Variants in COL8A2 observed in about 807,000 individuals in gnomAD.
The protein encoded by COL8A2 is collagen type VIII alpha 2 chain.
A neutral mutation model predicts 24.0 loss-of-function variants in COL8A2; 16 were observed. The observed-to-expected ratio is 0.67, with a 90% CI of 0.45 to 1.01. The LOEUF is 1.01. Ranked by LOEUF, COL8A2 falls within the 50% of genes least tolerant of loss-of-function variation. The pLI is 0.00. For synonymous variants in COL8A2, 466 were observed against 424.5 expected (o/e 1.10, Z -1.20); for missense variants, 818 against 942.4 (o/e 0.87, Z 1.73).
intron 3 of COL8A2, among the ~76,000 whole-genome samples, chr1:36,099,696 A>G (rs1452867169): frequency 6.6e-6 from 1 of 152,140 alleles, no homozygotes; most frequent in Non-Finnish European, 1.5e-5. Flanking sequence ...CCTAACACCC[A>G]ACCTACCTAG....
intron 2 of COL8A2, among the ~76,000 whole-genome samples, chr1:36,110,233 A>C (rs1643820790): frequency 6.7e-6 from 1 of 148,308 alleles, no homozygotes; most frequent in Non-Finnish European, 1.5e-5. Flanking sequence ...CGCCAGGCCT[A>C]TTCCTTTACT....
At chr1:36,122,295 C>T (rs1643919657) in intron 1 of COL8A2, among the ~76,000 whole-genome samples, 1 of 152,170 alleles carries the variant, frequency 6.6e-6, no homozygotes, top group Non-Finnish European at 1.5e-5. Flanking sequence ...GTCTGACTCC[C>T]AATGCCAGCT....
chr1:36,115,485 G>A lies in COL8A2; in HGVS notation c.-17+223C>T, dbSNP rs529102057. 1.3e-5 allele frequency among the ~76,000 whole-genome samples: 2 copies of A among 152,166 alleles called. No homozygotes were observed. Among genetic ancestry groups the A allele is most frequent in the African/African-American group, 4.8e-5 (2 of 41,434 alleles). On this transcript the variant is annotated intron_variant, in intron 2 of 3. Transcript: ENST00000397799. This position sits in a 1 kb window ranked among gnomAD's most constrained non-coding sequence, Gnocchi z 5.7. Reference sequence around the variant, plus strand: ...ACACGGCCCCGCCAAGGAGCCAGGCGAAATAGTTCACAAATGAGAAAAAGC... The same window carrying A: ...ACACGGCCCCGCCAAGGAGCCAGGCAAAATAGTTCACAAATGAGAAAAAGC...
At chr1:36,120,755 A>G (rs1052371251) in intron 1 of COL8A2, among the ~76,000 whole-genome samples, 2 of 150,086 alleles carry the variant, frequency 1.3e-5, no homozygotes, top group African/African-American at 4.9e-5. Context: ...CTCAAAAAAA[A>G]AAAAAAAAAT....
intron 2 of COL8A2, among the ~76,000 whole-genome samples, chr1:36,105,543 G>A (rs1330567195): frequency 2.0e-5 from 3 of 152,196 alleles, no homozygotes; most frequent in Admixed American, 1.3e-4. Flanking sequence ...GCCACGTTAC[G>A]CAGGCCTGAC....
chr1:36,105,624 G>A (rs749180081), intron 2 of COL8A2, among the ~76,000 whole-genome samples: 6 of 152,118 alleles, frequency 3.9e-5, no homozygotes, highest in Non-Finnish European at 7.4e-5. Flanking sequence ...CCTCATACAC[G>A]CCTGTGAGGT....
Position 36,098,837 on chromosome 1 carries a change from C to T in COL8A2, c.844G>A (p.Val282Ile), listed in dbSNP as rs2124072854. 1 of 1,612,446 alleles carries T rather than the reference C, an allele frequency of 6.2e-7. No individual in the cohort carries two copies. Among genetic ancestry groups the T allele is most frequent in the Non-Finnish European group, 8.5e-7 (1 of 1,179,784 alleles). The change falls in exon 4 of 4, where the codon GTC becomes ATC. Residue 282 changes from valine to isoleucine, a missense_variant. Val to Ile is a conservative substitution (Grantham distance 29). Coordinates refer to ENST00000397799, the MANE Select transcript of COL8A2 (RefSeq NM_005202.4). Reference sequence around the variant, plus strand: ...CCTGGCAACCCTGCTGCCCCTGGGACTCCCACACCGTCTACTCCAGGAGGT... The same window carrying T: ...CCTGGCAACCCTGCTGCCCCTGGGATTCCCACACCGTCTACTCCAGGAGGT... ...KGPPGVDGVG[V>I]PGAAGLPGPQ...
At position 36,099,293 on chromosome 1, in the gene COL8A2, G is replaced by T. The variant is rs1029280012; in HGVS notation, c.388C>A (p.Leu130Ile). Reference sequence around the variant, plus strand: ...CCTGGTGGCCCGACCTTGCCAGGGAGCCCTGGGGGACCAGCCTTGCCCATC... The same window carrying T: ...CCTGGTGGCCCGACCTTGCCAGGGATCCCTGGGGGACCAGCCTTGCCCATC... ...SRMGKAGPPG[L>I]PGKVGPPGQP... The change falls in exon 4 of 4, where the codon CTC becomes ATC. Residue 130 changes from leucine (L) to isoleucine (I), a missense_variant. Leu to Ile is a conservative substitution (Grantham distance 5). Coordinates refer to ENST00000397799, the MANE Select transcript of COL8A2 (RefSeq NM_005202.4). 3 of 1,565,010 alleles carry T rather than the reference G, an allele frequency of 1.9e-6. No homozygotes were observed. In the African/African-American group the frequency reaches 4.0e-5, roughly 21 times the overall value.
intron 1 of COL8A2, among the ~76,000 whole-genome samples, chr1:36,119,389 C>A (rs1424185916): frequency 6.6e-6 from 1 of 152,086 alleles, no homozygotes; most frequent in Non-Finnish European, 1.5e-5. Context: ...GAGCTTGGCC[C>A]CAAGCTAAGC....
rs1333885082 is a variant in COL8A2 at position 36,125,145 on chromosome 1, G to A, written c.-150C>T. Reference sequence around the variant, plus strand: ...CGGGCAGGGGCGTCCGCGGCTGGGCGGGCGGCGTTGGGGTCCGGGGTCCGC... The same window carrying A: ...CGGGCAGGGGCGTCCGCGGCTGGGCAGGCGGCGTTGGGGTCCGGGGTCCGC... On this transcript the variant is annotated 5_prime_UTR_variant, in exon 1 of 4. Coordinates refer to ENST00000397799, the MANE Select transcript of COL8A2 (RefSeq NM_005202.4). The surrounding 1 kb of genome is among the most constrained non-coding windows in gnomAD (Gnocchi z 4.5). 8.5e-5 allele frequency: 56 copies of A among 659,224 alleles called. No individual in the cohort carries two copies. The highest frequency in any genetic ancestry group is 1.0e-4 in the Non-Finnish European group (55 of 534,214). The allele number at this position is 659,224 out of a possible 1,614,324, so 40.8% of individuals were successfully genotyped here.
chr1:36,101,746 AAATG>A (rs1643681438), intron 2 of COL8A2, among the ~76,000 whole-genome samples: 1 of 152,274 alleles, frequency 6.6e-6, no homozygotes, highest in African/African-American at 2.4e-5. Flanking sequence ...TCGGCAATGA[AAATG>A]AATGAAGTAC....
At chr1:36,104,750 G>A (rs1254786292) in intron 2 of COL8A2, among the ~76,000 whole-genome samples, 1 of 152,060 alleles carries the variant, frequency 6.6e-6, no homozygotes, top group African/African-American at 2.4e-5. Context: ...AGCCGAGGTC[G>A]CGCCACTGCA....
At chr1:36,101,776 G>T (rs376963119) in intron 2 of COL8A2, among the ~76,000 whole-genome samples, 1 of 152,238 alleles carries the variant, frequency 6.6e-6, no homozygotes. Context: ...GGGCATGGTG[G>T]TGTATACCTG....
At position 36,117,744 on chromosome 1, in the gene COL8A2, G is replaced by A. The variant is rs1446388741; in HGVS notation, c.-61-1992C>T. Reference sequence around the variant, plus strand: ...CAGCTCATGAAAAGTAGAGCCTGGAGCTGGGCACAGTGGCTCACACCTGTA... The same window carrying A: ...CAGCTCATGAAAAGTAGAGCCTGGAACTGGGCACAGTGGCTCACACCTGTA... On this transcript the variant is annotated intron_variant, in intron 1 of 3. Transcript: ENST00000397799. Among the ~76,000 whole-genome samples, 3 of 152,168 alleles carry A rather than the reference G, an allele frequency of 2.0e-5. No homozygotes were observed. In the East Asian group the frequency reaches 5.8e-4, roughly 29 times the overall value.
Position 36,098,178 on chromosome 1 carries a change from G to A in COL8A2, c.1503C>T (p.Gly501=), listed in dbSNP as rs1383865498. The A allele has an allele frequency of 3.9e-6, 6 of 1,521,452 alleles. No individual in the cohort carries two copies. Among genetic ancestry groups the A allele is most frequent in the Non-Finnish European group, 5.3e-6 (6 of 1,135,306 alleles). The allele number at this position is 1,521,452 out of a possible 1,614,324, so 94.2% of individuals were successfully genotyped here. The change falls in exon 4 of 4, where the codon GGC becomes GGT. Residue 501 remains glycine (G), a synonymous_variant. Coordinates refer to ENST00000397799, the MANE Select transcript of COL8A2 (RefSeq NM_005202.4). ...CTGGGGGCCCCGTGGGCCCAGCCGT[G>A]CCAGGTTCCCCTGCTCTCCCCTCTC... ...PPGEGRAGEP[G]TAGPTGPPGV...
chr1:36,097,410 G>A lies in COL8A2; in HGVS notation c.*159C>T. The A allele has an allele frequency of 1.5e-6, 1 of 662,970 alleles. No individual in the cohort carries two copies. Among genetic ancestry groups the A allele is most frequent in the South Asian group, 1.8e-5 (1 of 54,496 alleles). The allele number at this position is 662,970 out of a possible 1,614,324, so 41.1% of individuals were successfully genotyped here. On this transcript the variant is annotated 3_prime_UTR_variant, in exon 4 of 4. Coordinates refer to ENST00000397799, the MANE Select transcript of COL8A2 (RefSeq NM_005202.4). Reference sequence around the variant, plus strand: ...CCAGCCCCTTCCAGAAACAATCTCAGCCTGCATGCAGGGAGAAAGCAAGTT... The same window carrying A: ...CCAGCCCCTTCCAGAAACAATCTCAACCTGCATGCAGGGAGAAAGCAAGTT...
At position 36,100,161 on chromosome 1, in the gene COL8A2, A is replaced by C. The variant is rs1643655374; in HGVS notation, c.82T>G (p.Ser28Ala). 1 of 1,611,872 alleles carries C rather than the reference A, an allele frequency of 6.2e-7. No homozygotes were observed. The highest frequency in any genetic ancestry group is 8.5e-7 in the Non-Finnish European group (1 of 1,179,362). ...LVLGCGPRAS[S>A]GGGAGGAAGY... ...GCCGCCCCACCGGCCCCGCCACCAG[A>C]GGACGCCCGCGGCCCACACCCCAGC... is the stretch of plus-strand genomic sequence containing the variant. Residue 28 changes from serine to alanine, a missense_variant, in exon 3 of 4, where the codon TCT becomes GCT. Physicochemically the swap from Ser to Ala is moderately conservative, Grantham distance 99 (BLOSUM62 1). This residue lies in a region of COL8A2 where 573 missense variants were observed against 616.8 expected (regional missense o/e 0.93). Coordinates refer to ENST00000397799, the MANE Select transcript of COL8A2 (RefSeq NM_005202.4).
At chr1:36,100,504 C>T (rs1643662462) in intron 2 of COL8A2, among the ~76,000 whole-genome samples, 1 of 152,154 alleles carries the variant, frequency 6.6e-6, no homozygotes, top group African/African-American at 2.4e-5. Context: ...TCTCCGAGAG[C>T]CCAGCCTCCC....
At chr1:36,109,940 T>C (rs1643815503) in intron 2 of COL8A2, among the ~76,000 whole-genome samples, 1 of 146,830 alleles carries the variant, frequency 6.8e-6, no homozygotes, top group African/African-American at 2.5e-5. Flanking sequence ...TTTTTTTTTT[T>C]TTTTTTTGAG....
Sources: allele counts gnomAD v4.1 joint callset (sites outside exome capture counted in the v4.1 genomes callset), GRCh38; gene constraint gnomAD v4.1.1; regional missense constraint gnomAD v4.1.1; non-coding constraint Gnocchi (gnomAD v3.1); transcripts MANE v1.5; gene names NCBI Gene and HGNC (gene_info 2026-07-23, HGNC 2026-07-21).